The following CPNE3 variants were observed in gnomAD, a reference collection of about 807,000 sequenced individuals.
The protein encoded by CPNE3 is copine-3.
CPNE3 carries 68 observed loss-of-function variants against 63.9 expected under a neutral mutation model. The ratio of observed to expected loss-of-function variants is 1.06; its 90% CI spans 0.87 to 1.30. The LOEUF (loss-of-function observed/expected upper bound fraction) is 1.30, where lower values mean the gene tolerates loss of function less well. Among genes scored for constraint, CPNE3 ranks in the 50% most tolerant of loss-of-function variants. CPNE3 has a pLI of 0.00. For synonymous variants in CPNE3, 219 were observed against 197.5 expected (o/e 1.11, Z -0.91); for missense variants, 665 against 578.1 (o/e 1.15, Z -1.54).
intron 2 of CPNE3, among the ~76,000 whole-genome samples, chr8:86,525,362 A>G (rs1321836773): frequency 2.0e-5 from 3 of 152,216 alleles, no homozygotes; most frequent in African/African-American, 7.2e-5. Context: ...TAATTACATT[A>G]AAAGGAAATG....
At chr8:86,530,937 C>T (rs1348098043) in intron 4 of CPNE3, among the ~76,000 whole-genome samples, 2 of 152,062 alleles carry the variant, frequency 1.3e-5, no homozygotes, top group African/African-American at 4.8e-5. Flanking sequence ...GGTAATCTGC[C>T]CGCCTCAGCC....
At chr8:86,526,933 A>G (rs1454043133) in intron 2 of CPNE3, among the ~76,000 whole-genome samples, 2 of 152,196 alleles carry the variant, frequency 1.3e-5, no homozygotes, top group Non-Finnish European at 2.9e-5. Flanking sequence ...GAGGACTGCT[A>G]CTGTTTTTAG....
At chr8:86,536,213 CAT>C (rs1357640267) in intron 6 of CPNE3, among the ~76,000 whole-genome samples, 2 of 149,704 alleles carry the variant, frequency 1.3e-5, no homozygotes, top group African/African-American at 2.5e-5. Context: ...TATGTATACT[CAT>C]GTGTGTGTAT....
At chr8:86,542,469 T>A (rs1454404866) in intron 8 of CPNE3, among the ~76,000 whole-genome samples, 1 of 152,138 alleles carries the variant, frequency 6.6e-6, no homozygotes, top group Non-Finnish European at 1.5e-5. Flanking sequence ...TTCTCTTTCA[T>A]ATATACATAT....
intron 5 of CPNE3, among the ~76,000 whole-genome samples, chr8:86,531,926 A>G (rs1214371487): frequency 6.6e-6 from 1 of 152,184 alleles, no homozygotes; most frequent in East Asian, 1.9e-4. Flanking sequence ...GGTTATCATG[A>G]TTATCAAATA....
In CPNE3 at chr8:86,560,601, A is replaced by G. The variant is rs1034112807; in HGVS notation, c.*2191A>G. 1.7e-4 allele frequency: 4 copies of G among 23,944 alleles called. No homozygotes were observed. The highest frequency in any genetic ancestry group is 1.6e-3 in the Admixed American group (4 of 2,504). 1.5% of individuals were successfully genotyped at this position (23,944 alleles called of 1,614,324 possible). ...ATTATTCTATTTTAAAATTGTTTTA[A>G]AATTTAAAACATTTAATTCATGATC... On this transcript the variant is annotated 3_prime_UTR_variant, in exon 17 of 17. Transcript: ENST00000517490.
intron 12 of CPNE3, among the ~76,000 whole-genome samples, chr8:86,549,818 ATG>A (rs767507062): frequency 1.4e-4 from 21 of 152,166 alleles, no homozygotes; most frequent in Admixed American, 6.5e-4. Context: ...CAGGGAGTGA[ATG>A]TGCATTCCCT....
intron 12 of CPNE3, among the ~76,000 whole-genome samples, chr8:86,549,536 A>T (rs973084849): frequency 2.6e-5 from 4 of 152,210 alleles, no homozygotes; most frequent in African/African-American, 9.6e-5. Flanking sequence ...CAAACTGGAC[A>T]AGAATTGAAT....
chr8:86,535,078 C>G (rs1441081369), intron 6 of CPNE3, among the ~76,000 whole-genome samples: 2 of 152,004 alleles, frequency 1.3e-5, no homozygotes, highest in African/African-American at 2.4e-5. Flanking sequence ...TAATTTCTTG[C>G]TCTGTGGGAT....
At chr8:86,552,645 C>CA (rs1427324910) in intron 14 of CPNE3, among the ~76,000 whole-genome samples, 1 of 151,332 alleles carries the variant, frequency 6.6e-6, no homozygotes, top group African/African-American at 2.4e-5. Context: ...GCAAAAAGCT[C>CA]AGAGCCTTAT....
intron 12 of CPNE3, 118 bp from the exon 13 acceptor site, chr8:86,550,928 A>G (rs1821159516): frequency 1.0e-6 from 1 of 993,370 alleles, no homozygotes. Flanking sequence ...AATATAGGTA[A>G]TCTTTGTTTT....
At chr8:86,514,897 G>A (rs923647595) in intron 1 of CPNE3, among the ~76,000 whole-genome samples, 13 of 152,222 alleles carry the variant, frequency 8.5e-5, no homozygotes, top group Admixed American at 7.9e-4. Flanking sequence ...TTCCCTGGGC[G>A]GAGAGGGTCG....
chr8:86,529,200 G>C, intron 4 of CPNE3, 76 bp downstream of exon 4: 2 of 1,299,634 alleles, frequency 1.5e-6, no homozygotes, highest in Non-Finnish European at 2.1e-6. Context: ...TTGGTAAGCA[G>C]CATTTAATTT....
At chr8:86,536,166 A>G (rs1820799975) in intron 6 of CPNE3, among the ~76,000 whole-genome samples, 1 of 151,262 alleles carries the variant, frequency 6.6e-6, no homozygotes. Context: ...TAATTTAATC[A>G]TTCTGTTTCC....
chr8:86,553,372 A>G (rs1586850936), intron 14 of CPNE3, among the ~76,000 whole-genome samples: 1 of 152,180 alleles, frequency 6.6e-6, no homozygotes, highest in Non-Finnish European at 1.5e-5. Context: ...GAAGCTTTCA[A>G]GCCAAGTATG....
chr8:86,545,732 A>G (rs1232185182), intron 9 of CPNE3, among the ~76,000 whole-genome samples: 1 of 152,186 alleles, frequency 6.6e-6, no homozygotes, highest in Non-Finnish European at 1.5e-5. Flanking sequence ...GCTTTGTGTT[A>G]ACCAGAAGAG....
chr8:86,553,442 A>G (rs1474615988), intron 14 of CPNE3, among the ~76,000 whole-genome samples: 1 of 152,212 alleles, frequency 6.6e-6, no homozygotes, highest in East Asian at 1.9e-4. Flanking sequence ...CAGTAGGCCC[A>G]TAAGATTTTA....
intron 8 of CPNE3, among the ~76,000 whole-genome samples, chr8:86,541,330 C>T (rs1402633636): frequency 2.0e-5 from 3 of 152,118 alleles, no homozygotes; most frequent in Admixed American, 1.3e-4. Context: ...GAATTTCTAC[C>T]TTCCAGAAAA....
intron 16 of CPNE3, among the ~76,000 whole-genome samples, chr8:86,556,770 T>C (rs1585929237): frequency 6.6e-6 from 1 of 152,182 alleles, no homozygotes; most frequent in African/African-American, 2.4e-5. Context: ...AGATGCATCA[T>C]AAGGATCCCC....
Sources: gnomAD v4.1 joint callset for allele counts (sites outside exome capture counted in the v4.1 genomes callset) on GRCh38, gnomAD v4.1.1 for gene constraint, MANE v1.5 for transcripts, NCBI Gene and HGNC (gene_info 2026-07-23, HGNC 2026-07-21) for gene names.